The following SHISA9 variants were observed in gnomAD, a reference collection of about 807,000 sequenced individuals.
The protein encoded by SHISA9 is protein shisa-9.
SHISA9 carries 13 observed loss-of-function variants against 38.0 expected under a neutral mutation model. The observed-to-expected ratio is 0.34, with a 90% CI of 0.22 to 0.54. SHISA9 has a LOEUF of 0.54. SHISA9 is among the 20% of genes least tolerant of loss of function. The pLI is 0.91. For missense variants in SHISA9, 538 were observed against 575.8 expected, an observed-to-expected ratio of 0.93 and a Z score of 0.67; for synonymous variants, 275 against 242.0, an observed-to-expected ratio of 1.14 and a Z score of -1.27.
the SHISA9 span, among the ~76,000 whole-genome samples, chr16:13,403,709 G>T: frequency 6.6e-6 from 1 of 152,222 alleles, no homozygotes; most frequent in Non-Finnish European, 1.5e-5. Context: ...AGTAGGTTGT[G>T]TAAGGATCTG....
At chr16:13,531,697 G>C in the SHISA9 span, among the ~76,000 whole-genome samples, 1 of 152,222 alleles carries the variant, frequency 6.6e-6, no homozygotes, top group East Asian at 1.9e-4. Context: ...TTTGAAGTCA[G>C]AGATGTATGA....
At chr16:13,142,437 T>G (rs572542890) in intron 2 of SHISA9, among the ~76,000 whole-genome samples, 36 of 152,310 alleles carry the variant, frequency 2.4e-4, no homozygotes, top group African/African-American at 7.7e-4. Context: ...TCTGGCTAGA[T>G]GCAGGTAATC....
intron 2 of SHISA9, among the ~76,000 whole-genome samples, chr16:12,970,675 ATTTTTGTTG>A (rs895295444): frequency 6.7e-6 from 1 of 148,234 alleles, no homozygotes; most frequent in Non-Finnish European, 1.5e-5. Flanking sequence ...CACACCGGCT[ATTTTTGTTG>A]TTGTTGTTGT....
chr16:12,991,914 C>T (rs1352977679), intron 2 of SHISA9, among the ~76,000 whole-genome samples: 1 of 151,974 alleles, frequency 6.6e-6, no homozygotes, highest in African/African-American at 2.4e-5. Context: ...CCGATGGGTT[C>T]ACGGACATTA....
intron 2 of SHISA9, among the ~76,000 whole-genome samples, chr16:13,147,552 C>T (rs1256904699): frequency 2.7e-5 from 4 of 149,826 alleles, no homozygotes; most frequent in Admixed American, 2.0e-4. Context: ...CAACCTCCGC[C>T]TGCAGGCTCA....
intron 4 of SHISA9, among the ~76,000 whole-genome samples, chr16:13,216,558 GA>G (rs2051171216): frequency 6.6e-6 from 1 of 152,182 alleles, no homozygotes; most frequent in Non-Finnish European, 1.5e-5. Flanking sequence ...TTTGACATCT[GA>G]TCTCTTTGCT....
chr16:13,435,807 A>G, the SHISA9 span, among the ~76,000 whole-genome samples: 1 of 152,328 alleles, frequency 6.6e-6, no homozygotes, highest in Non-Finnish European at 1.5e-5. Flanking sequence ...GCTTGGGGGT[A>G]CTTCTGGGAT....
chr16:13,267,396 A>G, the SHISA9 span, among the ~76,000 whole-genome samples: 1 of 152,184 alleles, frequency 6.6e-6, no homozygotes, highest in East Asian at 1.9e-4. Context: ...AGACTACCCA[A>G]ACTGATGGGG....
intron 2 of SHISA9, among the ~76,000 whole-genome samples, chr16:13,114,859 G>A (rs911576010): frequency 3.3e-5 from 5 of 151,312 alleles, no homozygotes; most frequent in Admixed American, 1.3e-4. Context: ...TATGCTTTGG[G>A]GCTTTATATA....
chr16:13,199,408 G>A (rs888670827), intron 2 of SHISA9, among the ~76,000 whole-genome samples: 3 of 152,184 alleles, frequency 2.0e-5, no homozygotes, highest in African/African-American at 7.2e-5. Context: ...CCATCTCGAG[G>A]CAATACCTGG....
At chr16:13,048,704 G>A (rs982057903) in intron 2 of SHISA9, among the ~76,000 whole-genome samples, 25 of 152,236 alleles carry the variant, frequency 1.6e-4, no homozygotes, top group African/African-American at 5.5e-4. Flanking sequence ...TTACAGGCAT[G>A]AGCCACCGCA....
chr16:13,380,892 A>G, the SHISA9 span, among the ~76,000 whole-genome samples: 2 of 144,622 alleles, frequency 1.4e-5, no homozygotes, highest in East Asian at 2.0e-4. Context: ...TCATTGTTCA[A>G]CTCCCGCATG....
chr16:13,478,011 CT>C, the SHISA9 span, among the ~76,000 whole-genome samples: 2 of 152,166 alleles, frequency 1.3e-5, no homozygotes, highest in Admixed American at 1.3e-4. Context: ...TTGGTTTTCT[CT>C]CCCTCTTATT....
chr16:13,428,293 A>AAGAGAGAG, the SHISA9 span, among the ~76,000 whole-genome samples: 1 of 150,874 alleles, frequency 6.6e-6, no homozygotes, highest in Non-Finnish European at 1.5e-5. Flanking sequence ...AAAACAAAGA[A>AAGAGAGAG]AGAGAGAGAG....
chr16:13,037,095 CACACA>C (rs2073079845), intron 2 of SHISA9, among the ~76,000 whole-genome samples: 1 of 35,920 alleles, frequency 2.8e-5, no homozygotes, highest in Non-Finnish European at 5.6e-5. Flanking sequence ...ACACCACACA[CACACA>C]CACACACAGA....
At chr16:13,382,513 A>G in the SHISA9 span, among the ~76,000 whole-genome samples, 1 of 129,058 alleles carries the variant, frequency 7.7e-6, no homozygotes, top group Non-Finnish European at 1.6e-5. Context: ...CTGGATGAAA[A>G]GGGTGAAACT....
At chr16:13,254,338 A>G in the SHISA9 span, among the ~76,000 whole-genome samples, 1 of 152,172 alleles carries the variant, frequency 6.6e-6, no homozygotes, top group Non-Finnish European at 1.5e-5. Context: ...CAGCCTTCAC[A>G]GATTTAGGGG....
At chr16:13,353,145 G>A in the SHISA9 span, among the ~76,000 whole-genome samples, 4 of 152,160 alleles carry the variant, frequency 2.6e-5, no homozygotes, top group South Asian at 2.1e-4. Context: ...CGGGATTGGG[G>A]GCGGTGTGGG....
At chr16:12,989,878 T>A (rs2072361879) in intron 2 of SHISA9, among the ~76,000 whole-genome samples, 1 of 152,120 alleles carries the variant, frequency 6.6e-6, no homozygotes, top group Non-Finnish European at 1.5e-5. Flanking sequence ...GATCATCCCG[T>A]CGCCTGGGTG....
Sources: gnomAD v4.1 joint callset for allele counts (sites outside exome capture counted in the v4.1 genomes callset) on GRCh38, gnomAD v4.1.1 for gene constraint, MANE v1.5 for transcripts, NCBI Gene and HGNC (gene_info 2026-07-23, HGNC 2026-07-21) for gene names.